The following KIF16B variants were observed in gnomAD, a reference collection of about 807,000 sequenced individuals.
KIF16B encodes the protein kinesin family member 16B, also known as kinesin-like protein KIF16B.
Under a neutral mutation model 156.3 loss-of-function variants are expected in KIF16B, and 98 were observed. That is an observed-to-expected ratio of 0.63 (90% CI 0.53 to 0.74). The LOEUF (loss-of-function observed/expected upper bound fraction) is 0.74, where lower values mean the gene tolerates loss of function less well. KIF16B is among the 30% of genes least tolerant of loss of function. KIF16B has a pLI of 0.00. For missense variants in KIF16B, 1,421 were observed against 1,606.5 expected (o/e 0.88, Z 1.97); for synonymous variants, 564 against 583.7 (o/e 0.97, Z 0.49).
intron 23 of KIF16B, among the ~76,000 whole-genome samples, chr20:16,348,154 T>A (rs1255074911): frequency 6.6e-6 from 1 of 152,166 alleles, no homozygotes; most frequent in Non-Finnish European, 1.5e-5. Context: ...AGTTAAAACA[T>A]ACACAAAAAT....
intron 15 of KIF16B, among the ~76,000 whole-genome samples, chr20:16,420,499 A>T (rs1057230415): frequency 6.6e-6 from 1 of 152,134 alleles, no homozygotes; most frequent in African/African-American, 2.4e-5. Context: ...TGAATACCAA[A>T]TATCAGCAAT....
intron 1 of KIF16B, among the ~76,000 whole-genome samples, chr20:16,558,386 T>C (rs1260394365): frequency 6.6e-6 from 1 of 152,216 alleles, no homozygotes; most frequent in Non-Finnish European, 1.5e-5. Context: ...GTGAGCATTA[T>C]TGATGTGTCT....
chr20:16,399,256 A>T (rs2146223294), intron 17 of KIF16B, among the ~76,000 whole-genome samples: 1 of 152,222 alleles, frequency 6.6e-6, no homozygotes, highest in South Asian at 2.1e-4. Context: ...TTACAATGAG[A>T]TGCAATGCAT....
chr20:16,286,586 C>G (rs983534274), intron 25 of KIF16B, among the ~76,000 whole-genome samples: 2 of 152,158 alleles, frequency 1.3e-5, no homozygotes, highest in African/African-American at 4.8e-5. Context: ...ACTTATTCAT[C>G]TCTCTGGGCA....
At position 16,273,156 on chromosome 20, in the gene KIF16B, A is replaced by C; in HGVS notation, c.*97T>G. On this transcript the variant is annotated 3_prime_UTR_variant, in exon 26 of 26. Transcript: ENST00000354981. ...CTGCATGTCTGTCTTCAGCAGGAGG[A>C]GGCAGACCCGGATCCTCGCATGGGG... 1 of 1,025,292 alleles carries C rather than the reference A, an allele frequency of 9.8e-7. No homozygotes were observed. The highest frequency in any genetic ancestry group is 1.5e-6 in the Non-Finnish European group (1 of 666,018). The allele number at this position is 1,025,292 out of a possible 1,614,324, so 63.5% of individuals were successfully genotyped here. A position where few individuals can be genotyped will look rare whatever the true frequency, so the allele number is the denominator to read the frequency against.
intron 12 of KIF16B, among the ~76,000 whole-genome samples, chr20:16,439,140 C>T (rs983101131): frequency 6.6e-6 from 1 of 152,080 alleles, no homozygotes; most frequent in Non-Finnish European, 1.5e-5. Context: ...TTTGAATCCT[C>T]TCTGTGCTTC....
At chr20:16,530,415 C>A (rs2069703540) in intron 1 of KIF16B, among the ~76,000 whole-genome samples, 1 of 152,202 alleles carries the variant, frequency 6.6e-6, no homozygotes. Flanking sequence ...TCTGCCCTCT[C>A]TGTTTGAGCC....
chr20:16,367,046 TA>T (rs2123251684), intron 22 of KIF16B: 1 of 1,386,648 alleles, frequency 7.2e-7, no homozygotes, highest in Non-Finnish European at 9.3e-7. Context: ...CCAATTCAAT[TA>T]GCTACACGGA....
In KIF16B at chr20:16,273,422, G is replaced by A. The variant is rs1279558464; in HGVS notation, c.3796-11C>T. The A allele has an allele frequency of 1.9e-6, 3 of 1,613,688 alleles. No homozygotes were observed. In the African/African-American group the frequency reaches 4.0e-5, roughly 22 times the overall value. On this transcript the variant is annotated splice_polypyrimidine_tract_variant and intron_variant, in intron 25 of 25. Transcript: ENST00000354981. ...GTCCCTGAGGTATTTCTGTGGAAGA[G>A]ACAAGAGTTAAGAACATGGTCAATT...
intron 12 of KIF16B, among the ~76,000 whole-genome samples, chr20:16,465,559 C>T (rs1003812767): frequency 1.3e-5 from 2 of 152,206 alleles, no homozygotes; most frequent in Non-Finnish European, 2.9e-5. Flanking sequence ...TAAATACACA[C>T]ATATTTGCAA....
In KIF16B at chr20:16,277,923, G is replaced by C. The variant is rs182482890; in HGVS notation, c.3796-4512C>G. Among the ~76,000 whole-genome samples, 48 of 152,348 alleles carry C rather than the reference G, an allele frequency of 3.2e-4. 1 individual carries two copies. The South Asian group carries it at 5.0e-3, about 16-fold the overall frequency. On this transcript the variant is annotated intron_variant, in intron 25 of 25. Coordinates refer to ENST00000354981, the MANE Select transcript of KIF16B (RefSeq NM_024704.5). ...AAGGCCTGCAGCTCTTGTTCACCTGGTGGACAGTGACACACCTGAGTCTTT... is the reference window on the plus strand; with the variant it reads ...AAGGCCTGCAGCTCTTGTTCACCTGCTGGACAGTGACACACCTGAGTCTTT...
chr20:16,298,751 T>A (rs2063427940), intron 25 of KIF16B, among the ~76,000 whole-genome samples: 1 of 151,938 alleles, frequency 6.6e-6, no homozygotes, highest in South Asian at 2.1e-4. Flanking sequence ...CAAAAAAAAA[T>A]CAAACCTGAA....
chr20:16,483,219 G>A (rs948461268), intron 12 of KIF16B, among the ~76,000 whole-genome samples: 1 of 152,134 alleles, frequency 6.6e-6, no homozygotes, highest in African/African-American at 2.4e-5. Flanking sequence ...TAGAACCAAG[G>A]AGAATCCTGG....
chr20:16,395,040 TG>T (rs1182927807), intron 17 of KIF16B, among the ~76,000 whole-genome samples: 12 of 151,146 alleles, frequency 7.9e-5, no homozygotes, highest in African/African-American at 2.9e-4. Context: ...GTCTGTTTTC[TG>T]GAAGTGTACA....
At chr20:16,566,457 C>G (rs746473471) in intron 1 of KIF16B, among the ~76,000 whole-genome samples, 17 of 152,322 alleles carry the variant, frequency 1.1e-4, no homozygotes, top group Non-Finnish European at 1.8e-4. Flanking sequence ...CTTCAGAAAA[C>G]ACTAATTGGC....
intron 25 of KIF16B, among the ~76,000 whole-genome samples, chr20:16,296,924 A>G (rs906577686): frequency 2.0e-5 from 3 of 152,236 alleles, no homozygotes; most frequent in African/African-American, 4.8e-5. Flanking sequence ...TCATCCAATC[A>G]GGTGAAGGCC....
At chr20:16,446,569 C>T (rs1279824394) in intron 12 of KIF16B, among the ~76,000 whole-genome samples, 2 of 152,090 alleles carry the variant, frequency 1.3e-5, no homozygotes, top group African/African-American at 4.8e-5. Context: ...AATTAAAATA[C>T]AGAAATGTTA....
rs1004447079 is a variant in KIF16B, at chr20:16,486,049, T to G, written c.1302+8242A>C. 3.7e-4 allele frequency among the ~76,000 whole-genome samples: 57 copies of G among 152,192 alleles called. 3 individuals carry two copies. ...TCTGGGAGCAGAACTCTGATATTGC[T>G]TTATCAACAAAAGTATTTTAGGCCC... On this transcript the variant is annotated intron_variant, in intron 12 of 25. Coordinates refer to ENST00000354981, the MANE Select transcript of KIF16B (RefSeq NM_024704.5).
intron 1 of KIF16B, among the ~76,000 whole-genome samples, chr20:16,558,184 C>T (rs1032777516): frequency 2.0e-5 from 3 of 152,172 alleles, no homozygotes; most frequent in African/African-American, 4.8e-5. Flanking sequence ...TGGCAGGTGC[C>T]GAGGTCCTGA....
Sources: gnomAD v4.1 joint callset for allele counts (sites outside exome capture counted in the v4.1 genomes callset) on GRCh38, gnomAD v4.1.1 for gene constraint, MANE v1.5 for transcripts, NCBI Gene and HGNC (gene_info 2026-07-23, HGNC 2026-07-21) for gene names.